The following RIMS1 variants were observed in gnomAD, a reference collection of about 807,000 sequenced individuals.
The protein encoded by RIMS1 is regulating synaptic membrane exocytosis protein 1.
RIMS1 carries 83 observed loss-of-function variants against 214.1 expected under a neutral mutation model. That is an observed-to-expected ratio of 0.39 (90% CI 0.32 to 0.47). RIMS1 has a LOEUF of 0.47. Ranked by LOEUF, RIMS1 falls within the 20% of genes least tolerant of loss-of-function variation. The pLI is 0.99. For missense variants in RIMS1, 2,050 were observed against 2,161.8 expected, an observed-to-expected ratio of 0.95 and a Z score of 1.03; for synonymous variants, 793 against 786.8, an observed-to-expected ratio of 1.01 and a Z score of -0.13.
At chr6:72,058,770 A>G (rs943686034) in intron 2 of RIMS1, among the ~76,000 whole-genome samples, 8 of 152,232 alleles carry the variant, frequency 5.3e-5, no homozygotes, top group Non-Finnish European at 1.0e-4. Flanking sequence ...CTTATAAAAA[A>G]GCTTAACATG....
chr6:72,266,853 A>G (rs9358995), intron 22 of RIMS1, among the ~76,000 whole-genome samples: 107,374 of 151,912 alleles, frequency 0.71, 38,823 homozygotes, highest in East Asian at 0.98. Context: ...GTCATTCAGA[A>G]GACATTTGCA....
At chr6:72,183,249 T>C in intron 6 of RIMS1, 100 bp downstream of exon 6, 1 of 1,190,486 alleles carries the variant, frequency 8.4e-7, no homozygotes, top group Non-Finnish European at 1.2e-6. Context: ...GCATTGAGGC[T>C]GGGAATGCTC....
intron 2 of RIMS1, among the ~76,000 whole-genome samples, chr6:71,982,845 A>G (rs1372439093): frequency 6.6e-6 from 1 of 152,126 alleles, no homozygotes; most frequent in Non-Finnish European, 1.5e-5. Flanking sequence ...CCCTCTCTGA[A>G]GGCCTTTAGG....
intron 2 of RIMS1, among the ~76,000 whole-genome samples, chr6:72,036,976 C>T (rs1819800658): frequency 6.6e-6 from 1 of 152,176 alleles, no homozygotes; most frequent in Non-Finnish European, 1.5e-5. Flanking sequence ...GTAAGTATCA[C>T]ATTCATACCA....
intron 2 of RIMS1, among the ~76,000 whole-genome samples, chr6:72,010,937 C>G (rs1326223387): frequency 1.3e-5 from 2 of 151,814 alleles, no homozygotes; most frequent in Non-Finnish European, 2.9e-5. Flanking sequence ...CCATCCCCAT[C>G]AAGCTACCAA....
At chr6:72,166,054 T>A (rs1363222227) in intron 4 of RIMS1, among the ~76,000 whole-genome samples, 1 of 152,224 alleles carries the variant, frequency 6.6e-6, no homozygotes. Context: ...CTCACAGTTC[T>A]GGAGACTGAG....
chr6:71,904,588 T>G (rs533681714), intron 1 of RIMS1, among the ~76,000 whole-genome samples: 1 of 152,264 alleles, frequency 6.6e-6, no homozygotes, highest in African/African-American at 2.4e-5. Context: ...CATCTGGGCT[T>G]AGTGCAGCAT....
At chr6:72,249,341 C>T (rs142583439) in intron 12 of RIMS1, among the ~76,000 whole-genome samples, 3 of 152,240 alleles carry the variant, frequency 2.0e-5, no homozygotes, top group Non-Finnish European at 4.4e-5. Flanking sequence ...GATTTTAGTA[C>T]GTTACTTCCC....
chr6:72,101,071 C>T (rs1022569736), intron 4 of RIMS1, among the ~76,000 whole-genome samples: 10 of 151,826 alleles, frequency 6.6e-5, no homozygotes, highest in South Asian at 2.1e-4. Flanking sequence ...ACAGTTGAAA[C>T]GTGGGTAAAG....
At chr6:72,000,320 T>C (rs919907840) in intron 2 of RIMS1, among the ~76,000 whole-genome samples, 3 of 152,130 alleles carry the variant, frequency 2.0e-5, no homozygotes, top group African/African-American at 7.2e-5. Context: ...ATCAACTGAG[T>C]TCAAGATATG....
At chr6:72,326,298 G>A (rs2096461917) in intron 28 of RIMS1, among the ~76,000 whole-genome samples, 1 of 151,700 alleles carries the variant, frequency 6.6e-6, no homozygotes, top group South Asian at 2.1e-4. Context: ...CTGAAAGAAG[G>A]TGTTTTAGGA....
At chr6:72,034,615 C>T (rs1819069927) in intron 2 of RIMS1, among the ~76,000 whole-genome samples, 1 of 151,822 alleles carries the variant, frequency 6.6e-6, no homozygotes, top group Admixed American at 6.6e-5. Flanking sequence ...GAGCTATTAT[C>T]AAGCAGATAG....
intron 6 of RIMS1, among the ~76,000 whole-genome samples, chr6:72,192,482 G>A (rs910191456): frequency 1.3e-5 from 2 of 152,180 alleles, no homozygotes; most frequent in African/African-American, 4.8e-5. Context: ...TCTGGAAATT[G>A]ATTGAAGGGC....
In RIMS1 at chr6:72,182,936, C is replaced by G; in HGVS notation, c.1465C>G (p.Arg489Gly). The change falls in exon 6 of 34, where the codon CGC (arginine) becomes GGC (glycine). Residue 489 changes from arginine to glycine, a missense_variant. Physicochemically the swap from Arg to Gly is moderately radical, Grantham distance 125. Coordinates refer to ENST00000521978, the MANE Select transcript of RIMS1 (RefSeq NM_014989.7). ...SSAVLMRKAK[R>G]EKVETMLRND... Reference sequence around the variant, plus strand: ...GGCGGTCCTCATGCGGAAGGCCAAGCGCGAGAAGGTGGAGACCATGCTGCG... The same window carrying G: ...GGCGGTCCTCATGCGGAAGGCCAAGGGCGAGAAGGTGGAGACCATGCTGCG... The G allele has an allele frequency of 6.3e-7, 1 of 1,587,070 alleles. No individual in the cohort carries two copies. The highest frequency in any genetic ancestry group is 8.6e-7 in the Non-Finnish European group (1 of 1,168,110).
At chr6:72,037,538 G>A (rs1440583840) in intron 2 of RIMS1, among the ~76,000 whole-genome samples, 1 of 151,870 alleles carries the variant, frequency 6.6e-6, no homozygotes, top group Non-Finnish European at 1.5e-5. Context: ...TTATTGAGGT[G>A]TAATAGAGAT....
intron 4 of RIMS1, among the ~76,000 whole-genome samples, chr6:72,143,727 C>T (rs751281846): frequency 1.4e-4 from 22 of 152,146 alleles, no homozygotes; most frequent in Non-Finnish European, 2.8e-4. Flanking sequence ...CAGAGGTTGG[C>T]TCCAGACAAT....
intron 29 of RIMS1, among the ~76,000 whole-genome samples, chr6:72,336,204 ACCCTCTTTT>A (rs2096838200): frequency 6.6e-6 from 1 of 151,230 alleles, no homozygotes; most frequent in Non-Finnish European, 1.5e-5. Flanking sequence ...CTCCCTCTTT[ACCCTCTTTT>A]CCCCTCTAGC....
In RIMS1 at chr6:72,157,066, T is replaced by C. The variant is rs1049823734; in HGVS notation, c.472-22509T>C. On this transcript the variant is annotated intron_variant, in intron 4 of 33. Coordinates refer to ENST00000521978, the MANE Select transcript of RIMS1 (RefSeq NM_014989.7). ...GCAATCTGTCCGTACTTAGGAATGC[T>C]GGAATAAAAAACAGTATAAGTCTCT... is the stretch of plus-strand genomic sequence containing the variant. Among the ~76,000 whole-genome samples the C allele has an allele frequency of 4.3e-5, 6 of 140,520 alleles. 2 individuals carry two copies. The highest frequency in any genetic ancestry group is 9.7e-5 in the Non-Finnish European group (6 of 61,794). 92.2% of individuals were successfully genotyped at this position (140,520 alleles called of 152,430 possible). A position where few individuals can be genotyped will look rare whatever the true frequency, so the allele number is the denominator to read the frequency against.
chr6:72,293,985 TA>T (rs2093760986), intron 26 of RIMS1, among the ~76,000 whole-genome samples: 1 of 151,636 alleles, frequency 6.6e-6, no homozygotes, highest in African/African-American at 2.4e-5. Flanking sequence ...TAGAGTTATA[TA>T]CATACAGCTT....
Sources: gnomAD v4.1 joint callset for allele counts (sites outside exome capture counted in the v4.1 genomes callset) on GRCh38, gnomAD v4.1.1 for gene constraint, MANE v1.5 for transcripts, NCBI Gene and HGNC (gene_info 2026-07-23, HGNC 2026-07-21) for gene names.